HEMK2: variants seen among roughly 807,000 people sequenced by gnomAD.
The protein encoded by HEMK2 is HemK methyltransferase 2, ETF1 glutamine and histone H4 lysine, also known as methyltransferase HEMK2.
chr21:28,587,163 C>T, the HEMK2 span, among the ~76,000 whole-genome samples: 12 of 106,118 alleles, frequency 1.1e-4, no homozygotes, highest in Non-Finnish European at 9.5e-5. Context: ...GCATATCAGA[C>T]AAGGAAATAA....
the HEMK2 span, among the ~76,000 whole-genome samples, chr21:28,647,758 T>C: frequency 6.6e-6 from 1 of 152,162 alleles, no homozygotes; most frequent in African/African-American, 2.4e-5. Flanking sequence ...ACATACCCCA[T>C]TCTGACAGCA....
chr21:28,808,947 C>T, the HEMK2 span, among the ~76,000 whole-genome samples: 1 of 152,124 alleles, frequency 6.6e-6, no homozygotes, highest in African/African-American at 2.4e-5. Flanking sequence ...TTTCAAAGCA[C>T]TCAAGAACAA....
the HEMK2 span, among the ~76,000 whole-genome samples, chr21:28,704,071 T>C: frequency 1.3e-5 from 2 of 152,172 alleles, no homozygotes; most frequent in Non-Finnish European, 2.9e-5. Flanking sequence ...GAAGTTAAGA[T>C]ACTGAAGAAA....
the HEMK2 span, among the ~76,000 whole-genome samples, chr21:28,765,125 G>C: frequency 6.6e-6 from 1 of 152,080 alleles, no homozygotes; most frequent in Admixed American, 6.6e-5. Context: ...GGGAGCAAGT[G>C]GGTATGTTGA....
chr21:28,598,324 T>C, the HEMK2 span, among the ~76,000 whole-genome samples: 1 of 152,240 alleles, frequency 6.6e-6, no homozygotes, highest in South Asian at 2.1e-4. Context: ...AGGTTGCATA[T>C]GAATGACATG....
chr21:28,634,566 G>A, the HEMK2 span, among the ~76,000 whole-genome samples: 1 of 152,110 alleles, frequency 6.6e-6, no homozygotes, highest in Non-Finnish European at 1.5e-5. Context: ...CATCCCCCTA[G>A]GTCAACTACC....
the HEMK2 span, among the ~76,000 whole-genome samples, chr21:28,868,512 G>A: frequency 0.083 from 12,567 of 151,940 alleles, 1,249 homozygotes; most frequent in African/African-American, 0.23. Flanking sequence ...TGAGACCCCC[G>A]TCTCTACTAA....
At chr21:28,816,860 G>A in the HEMK2 span, among the ~76,000 whole-genome samples, 1 of 152,190 alleles carries the variant, frequency 6.6e-6, no homozygotes, top group Non-Finnish European at 1.5e-5. Context: ...CCTGGTAAGT[G>A]CTCCAGACTG....
chr21:28,603,436 AGTTT>A, the HEMK2 span, among the ~76,000 whole-genome samples: 1 of 152,040 alleles, frequency 6.6e-6, no homozygotes, highest in Non-Finnish European at 1.5e-5. Context: ...CAGCCCATAG[AGTTT>A]AACTCTTCCA....
chr21:28,844,478 C>T, the HEMK2 span, among the ~76,000 whole-genome samples: 1 of 152,058 alleles, frequency 6.6e-6, no homozygotes, highest in Non-Finnish European at 1.5e-5. Context: ...CACTACAGGT[C>T]AATAGGTATA....
At chr21:28,667,891 T>G in the HEMK2 span, among the ~76,000 whole-genome samples, 2 of 152,178 alleles carry the variant, frequency 1.3e-5, no homozygotes, top group Non-Finnish European at 2.9e-5. Flanking sequence ...AATTAATACA[T>G]GGAAAGTGTT....
chr21:28,810,113 C>G, the HEMK2 span, among the ~76,000 whole-genome samples: 1 of 152,158 alleles, frequency 6.6e-6, no homozygotes, highest in Non-Finnish European at 1.5e-5. Context: ...CAGAAATGTG[C>G]TTCTCTCCAT....
the HEMK2 span, among the ~76,000 whole-genome samples, chr21:28,746,013 T>C: frequency 6.6e-6 from 1 of 152,222 alleles, no homozygotes; most frequent in Non-Finnish European, 1.5e-5. Context: ...CGGCATTTAG[T>C]TTATGGTATT....
chr21:28,733,427 C>T, the HEMK2 span, among the ~76,000 whole-genome samples: 3 of 152,216 alleles, frequency 2.0e-5, no homozygotes, highest in Non-Finnish European at 4.4e-5. Context: ...CCACAACAGT[C>T]TCCAGCTGAA....
the HEMK2 span, among the ~76,000 whole-genome samples, chr21:28,790,109 T>C: frequency 6.6e-6 from 1 of 152,222 alleles, no homozygotes; most frequent in South Asian, 2.1e-4. Context: ...CATTTTATAA[T>C]ATAGTTTATT....
At chr21:28,697,682 C>T in the HEMK2 span, among the ~76,000 whole-genome samples, 1 of 147,576 alleles carries the variant, frequency 6.8e-6, no homozygotes, top group Non-Finnish European at 1.5e-5. Context: ...ATATTAGCTC[C>T]CCTTCACTTT....
the HEMK2 span, among the ~76,000 whole-genome samples, chr21:28,819,729 T>C: frequency 1.3e-5 from 2 of 151,950 alleles, no homozygotes; most frequent in Non-Finnish European, 2.9e-5. Context: ...TTTGTATTTT[T>C]AGTAGAGACG....
At chr21:28,604,250 CA>C in the HEMK2 span, among the ~76,000 whole-genome samples, 1 of 152,094 alleles carries the variant, frequency 6.6e-6, no homozygotes, top group South Asian at 2.1e-4. Flanking sequence ...CGTCACACAC[CA>C]GGGCCTCTCA....
chr21:28,636,875 A>T, the HEMK2 span, among the ~76,000 whole-genome samples: 743 of 152,254 alleles, frequency 4.9e-3, 4 homozygotes, highest in Non-Finnish European at 7.9e-3. Context: ...TTGTGATCAG[A>T]ATTTTCAAAA....
Sources: gnomAD v4.1 joint callset for allele counts (sites outside exome capture counted in the v4.1 genomes callset) on GRCh38, gnomAD v4.1.1 for gene constraint, MANE v1.5 for transcripts, NCBI Gene and HGNC (gene_info 2026-07-23, HGNC 2026-07-21) for gene names.